The following DRAXIN variants were observed in gnomAD, a reference collection of about 807,000 sequenced individuals.
DRAXIN encodes dorsal inhibitory axon guidance protein.
In DRAXIN, 27 loss-of-function variants were observed where a neutral mutation model predicts 33.9. The ratio of observed to expected loss-of-function variants is 0.80; its 90% CI spans 0.59 to 1.10. The LOEUF is 1.10. Ranked by LOEUF, DRAXIN falls within the 50% of genes least tolerant of loss-of-function variation. The probability of loss-of-function intolerance (pLI) is 0.00; values close to 1 mark genes in which losing one functional copy is unlikely to be tolerated. For synonymous variants in DRAXIN, 178 were observed against 194.0 expected (o/e 0.92, Z 0.69); for missense variants, 371 against 460.8 (o/e 0.81, Z 1.78).
At position 11,719,954 on chromosome 1, in the gene DRAXIN, A is replaced by G. The variant is rs1221304093; in HGVS notation, c.*258A>G. On this transcript the variant is annotated 3_prime_UTR_variant, in exon 7 of 7. Coordinates refer to ENST00000294485, the MANE Select transcript of DRAXIN (RefSeq NM_198545.4). The stretch of plus-strand genomic sequence containing the variant: ...GCGTGTCTTGCTCTCCGCGATGGCA[A>G]TGCCGAGAGTGCCCTCTACTGTCCG... The G allele has an allele frequency of 2.1e-6, 1 of 476,680 alleles. No individual in the cohort carries two copies. The highest frequency in any genetic ancestry group is 3.9e-6 in the Non-Finnish European group (1 of 257,554). 29.5% of individuals were successfully genotyped at this position (476,680 alleles called of 1,614,324 possible).
chr1:11,692,914 C>T lies in DRAXIN; in HGVS notation c.-11+1061C>T, dbSNP rs892139459. 5.3e-5 allele frequency among the ~76,000 whole-genome samples: 8 copies of T among 149,846 alleles called. No individual in the cohort carries two copies. The highest frequency in any genetic ancestry group is 1.2e-4 in the African/African-American group (5 of 40,702). On this transcript the variant is annotated intron_variant, in intron 1 of 6. Coordinates refer to ENST00000294485, the MANE Select transcript of DRAXIN (RefSeq NM_198545.4). This position sits in a 1 kb window ranked among gnomAD's most constrained non-coding sequence, Gnocchi z 5.8. ...GATGTGTGTGGAAATTGTGGGGTGC[C>T]GCTTGGTGCTGGTTCACACACCCTG...
chr1:11,695,840 G>C (rs982716352), intron 1 of DRAXIN, among the ~76,000 whole-genome samples: 1 of 152,086 alleles, frequency 6.6e-6, no homozygotes, highest in East Asian at 1.9e-4. Context: ...TCTAGCAGGA[G>C]GTAGGACTCG....
At chr1:11,701,309 TTTGCCAC>T (rs1157695678) in intron 1 of DRAXIN, among the ~76,000 whole-genome samples, 1 of 152,206 alleles carries the variant, frequency 6.6e-6, no homozygotes, top group Non-Finnish European at 1.5e-5. Flanking sequence ...TGAGATGGGC[TTTGCCAC>T]TTGCCAGTTG....
At chr1:11,708,536 TG>T (rs1641426272) in intron 2 of DRAXIN, among the ~76,000 whole-genome samples, 5 of 152,128 alleles carry the variant, frequency 3.3e-5, no homozygotes, top group African/African-American at 1.2e-4. Flanking sequence ...ACTTGAACCC[TG>T]GAGGCAGAGG....
At chr1:11,689,550 T>G (rs1328602096), upstream of DRAXIN, among the ~76,000 whole-genome samples, 1 of 152,000 alleles carries the variant, frequency 6.6e-6, no homozygotes, top group Non-Finnish European at 1.5e-5. Context: ...GAGCTGAGAT[T>G]GTGCCACTGC....
chr1:11,709,260 C>A lies in DRAXIN; in HGVS notation c.452-15C>A, dbSNP rs752321066. On this transcript the variant is annotated splice_polypyrimidine_tract_variant and intron_variant, in intron 2 of 6. Coordinates refer to ENST00000294485, the MANE Select transcript of DRAXIN (RefSeq NM_198545.4). ...AAGCAGATATAGCCCCCGTGCTCCC[C>A]ACCCTGTGTCTCAGGCCGAGCCTTG... 3.7e-6 allele frequency: 6 copies of A among 1,601,836 alleles called. No individual in the cohort carries two copies. In the East Asian group the frequency reaches 9.0e-5, roughly 24 times the overall value.
chr1:11,712,015 C>G (rs754817675), intron 4 of DRAXIN, 50 bp downstream of exon 4: 1 of 1,553,584 alleles, frequency 6.4e-7, no homozygotes, highest in South Asian at 1.2e-5. Context: ...CCTGCCCTCC[C>G]GCACCATCTG....
chr1:11,687,384 C>T (rs956363213), upstream of DRAXIN, among the ~76,000 whole-genome samples: 15 of 152,174 alleles, frequency 9.9e-5, no homozygotes, highest in Non-Finnish European at 1.9e-4. This position sits in a 1 kb window ranked among gnomAD's most constrained non-coding sequence, Gnocchi z 4.1. Context: ...GGACTACAGG[C>T]GACCTCCATC....
chr1:11,695,325 T>C (rs1641173692), intron 1 of DRAXIN, among the ~76,000 whole-genome samples: 1 of 152,064 alleles, frequency 6.6e-6, no homozygotes, highest in Non-Finnish European at 1.5e-5. Flanking sequence ...ATGCCTATAA[T>C]CCCAGCACTT....
In DRAXIN at chr1:11,692,147, G is replaced by A. The variant is rs1399774881; in HGVS notation, c.-11+294G>A. ...TCCACGCTCTGACACTCGGCCTCGC[G>A]CGCGCCCTCGCCGCCCTCTGGGGTC... On this transcript the variant is annotated intron_variant, in intron 1 of 6. Transcript: ENST00000294485. This position sits in a 1 kb window ranked among gnomAD's most constrained non-coding sequence, Gnocchi z 5.8. 6.6e-6 allele frequency among the ~76,000 whole-genome samples: 1 copy of A among 152,010 alleles called. No individual in the cohort carries two copies. Among genetic ancestry groups the A allele is most frequent in the Non-Finnish European group, 1.5e-5 (1 of 67,968 alleles).
chr1:11,716,306 C>T (rs1641576873), intron 6 of DRAXIN, among the ~76,000 whole-genome samples: 2 of 152,262 alleles, frequency 1.3e-5, no homozygotes, highest in South Asian at 4.1e-4. Flanking sequence ...CACACACTTT[C>T]CTTATTCCGA....
At chr1:11,719,457 G>A (rs1641627142) in intron 6 of DRAXIN, 127 bp from the exon 7 acceptor site, 2 of 770,810 alleles carry the variant, frequency 2.6e-6, no homozygotes, top group African/African-American at 3.5e-5. Context: ...GCTGCCGTGA[G>A]GAAGCTGGGT....
At chr1:11,711,473 A>G (rs1641493855) in intron 3 of DRAXIN, among the ~76,000 whole-genome samples, 1 of 152,168 alleles carries the variant, frequency 6.6e-6, no homozygotes, top group African/African-American at 2.4e-5. Flanking sequence ...AGAGGAAGGG[A>G]TGGGAAAGTC....
chr1:11,702,741 T>C lies in DRAXIN; in HGVS notation c.-10-3508T>C, dbSNP rs1415405445. Among the ~76,000 whole-genome samples, 5 of 140,552 alleles carry C rather than the reference T, an allele frequency of 3.6e-5. No homozygotes were observed. The East Asian group carries it at 8.9e-4, about 25-fold the overall frequency. 92.2% of individuals were successfully genotyped at this position (140,552 alleles called of 152,430 possible). On this transcript the variant is annotated intron_variant, in intron 1 of 6. Transcript: ENST00000294485. ...TTATTTATGATCTTCTGCCGAGGTATGAATTCTTTTTTTTTTTTTTCTTTT... is the reference window on the plus strand; with the variant it reads ...TTATTTATGATCTTCTGCCGAGGTACGAATTCTTTTTTTTTTTTTTCTTTT...
chr1:11,710,935 A>AAAAAAAG (rs1641484610), intron 3 of DRAXIN, among the ~76,000 whole-genome samples: 40 of 149,746 alleles, frequency 2.7e-4, no homozygotes, highest in South Asian at 4.2e-4. Flanking sequence ...AAAAAAAAAA[A>AAAAAAAG]GGTTTTCAAA....
At chr1:11,689,776 G>A (rs1314378452), upstream of DRAXIN, among the ~76,000 whole-genome samples, 2 of 151,806 alleles carry the variant, frequency 1.3e-5, no homozygotes, top group African/African-American at 2.4e-5. Context: ...CTATGGACTC[G>A]CCCTGAATTA....
At chr1:11,695,989 C>T (rs918075887) in intron 1 of DRAXIN, among the ~76,000 whole-genome samples, 6 of 152,160 alleles carry the variant, frequency 3.9e-5, no homozygotes, top group African/African-American at 1.2e-4. Flanking sequence ...AGGCTGCTGT[C>T]GGAAACAATA....
rs1041978055 is a variant in DRAXIN at position 11,724,792 on chromosome 1, C to T, written c.*5096C>T. On this transcript the variant is annotated 3_prime_UTR_variant, in exon 7 of 7. Transcript: ENST00000294485. ...AGGCCAGAGAAGCAAACCACTGTGG[C>T]TCCTCACTGGGGGTTTCACGGGGTT... 6.6e-6 allele frequency: 1 copy of T among 152,364 alleles called. No individual in the cohort carries two copies. The highest frequency in any genetic ancestry group is 2.4e-5 in the African/African-American group (1 of 41,456). The allele number at this position is 152,364 out of a possible 1,614,324, so 9.4% of individuals were successfully genotyped here.
In DRAXIN at chr1:11,715,163, C is replaced by T. The variant is rs751522271; in HGVS notation, c.892C>T (p.Arg298Ter). Residue 298 changes from arginine to a stop codon, truncating the protein, a stop_gained, in exon 6 of 7, where the codon CGA becomes TGA. Transcript: ENST00000294485. LOFTEE classifies it high-confidence loss of function. ...GGAGCATCTCTGCACACCCCACAAC[C>T]GAGGCCTCAACAACAAATGCTTCGA... ...LREHLCTPHN[R>*]GLNNKCFDDC... is the part of the protein sequence containing the mutation. 5 of 1,614,238 alleles carry T rather than the reference C, an allele frequency of 3.1e-6. No individual in the cohort carries two copies. The highest frequency in any genetic ancestry group is 1.7e-6 in the Non-Finnish European group (2 of 1,180,050).
Sources: gnomAD v4.1 joint callset for allele counts (sites outside exome capture counted in the v4.1 genomes callset) on GRCh38, gnomAD v4.1.1 for gene constraint, Gnocchi (gnomAD v3.1) non-coding constraint, MANE v1.5 for transcripts, NCBI Gene and HGNC (gene_info 2026-07-23, HGNC 2026-07-21) for gene names.